The following GRIK1 variants were observed in gnomAD, a reference collection of about 807,000 sequenced individuals.
GRIK1 encodes the protein glutamate receptor ionotropic, kainate 1.
In GRIK1, 69 loss-of-function variants were observed where a neutral mutation model predicts 105.7. The ratio of observed to expected loss-of-function variants is 0.65; its 90% CI spans 0.54 to 0.80. The LOEUF is 0.80. Ranked by LOEUF, GRIK1 falls within the 30% of genes least tolerant of loss-of-function variation. The probability of loss-of-function intolerance (pLI) is 0.00; values close to 1 mark genes in which losing one functional copy is unlikely to be tolerated. For missense variants in GRIK1, 1,109 were observed against 1,167.3 expected (o/e 0.95, Z 0.73); for synonymous variants, 438 against 431.3 (o/e 1.02, Z -0.19).
chr21:29,545,105 AG>A (rs2090030636), intron 16 of GRIK1, among the ~76,000 whole-genome samples: 1 of 36,938 alleles, frequency 2.7e-5, no homozygotes, highest in Non-Finnish European at 1.3e-4. Context: ...GCTCCAGAGC[AG>A]CTAAAACATT....
At chr21:29,844,142 G>A (rs565033298) in intron 1 of GRIK1, among the ~76,000 whole-genome samples, 3 of 152,004 alleles carry the variant, frequency 2.0e-5, no homozygotes, top group Non-Finnish European at 4.4e-5. Flanking sequence ...AGATATCTTT[G>A]TCATTGCATT....
intron 1 of GRIK1, among the ~76,000 whole-genome samples, chr21:29,757,538 T>C (rs2065381399): frequency 6.6e-6 from 1 of 152,212 alleles, no homozygotes. Flanking sequence ...AAACAGTGAC[T>C]TCTTCTATGA....
intron 1 of GRIK1, among the ~76,000 whole-genome samples, chr21:29,907,023 TAA>T (rs61372535): frequency 7.3e-6 from 1 of 137,662 alleles, no homozygotes; most frequent in Admixed American, 7.2e-5. Context: ...TCAATAAAAA[TAA>T]AAAAAAAAAA....
chr21:29,626,402 C>A (rs1051548817), intron 7 of GRIK1, among the ~76,000 whole-genome samples: 12 of 152,098 alleles, frequency 7.9e-5, no homozygotes, highest in Non-Finnish European at 1.8e-4. Flanking sequence ...CTCTGGGGGA[C>A]ACATTCAAAT....
At chr21:29,901,722 A>G (rs535987411) in intron 1 of GRIK1, among the ~76,000 whole-genome samples, 3 of 152,332 alleles carry the variant, frequency 2.0e-5, no homozygotes, top group African/African-American at 7.2e-5. Flanking sequence ...AAGTTCAAAG[A>G]GGAGCTGGTA....
chr21:29,934,984 C>T (rs1350148305), intron 1 of GRIK1, among the ~76,000 whole-genome samples: 1 of 152,110 alleles, frequency 6.6e-6, no homozygotes, highest in African/African-American at 2.4e-5. Flanking sequence ...TCCCAGCACC[C>T]ATTGGAGTTT....
At chr21:29,552,901 A>G (rs1000523908) in intron 16 of GRIK1, among the ~76,000 whole-genome samples, 2 of 152,100 alleles carry the variant, frequency 1.3e-5, no homozygotes, top group African/African-American at 4.8e-5. Flanking sequence ...GTGATGTTCA[A>G]CATAGCTAGT....
At chr21:29,825,024 TTAATA>T (rs2067412751) in intron 1 of GRIK1, among the ~76,000 whole-genome samples, 4 of 152,072 alleles carry the variant, frequency 2.6e-5, no homozygotes, top group Admixed American at 1.3e-4. Context: ...AGGAAAATGT[TTAATA>T]TATTATTGTG....
At chr21:29,547,061 T>C (rs1157684080) in intron 16 of GRIK1, among the ~76,000 whole-genome samples, 2 of 152,234 alleles carry the variant, frequency 1.3e-5, no homozygotes, top group Non-Finnish European at 2.9e-5. Flanking sequence ...ATTGTGAATG[T>C]GTATTCATTT....
chr21:29,794,031 A>G (rs1270559536), intron 1 of GRIK1, among the ~76,000 whole-genome samples: 1 of 152,160 alleles, frequency 6.6e-6, no homozygotes, highest in Non-Finnish European at 1.5e-5. Flanking sequence ...ATGTTTTAAA[A>G]AGACCTCATG....
rs533999744 is a variant in GRIK1, at chr21:29,782,891, C to T, written c.119-88828G>A. ...GTAAACAATGCTGCAATGAACATCC[C>T]TACTCATGAACATTTGTATTCACTT... On this transcript the variant is annotated intron_variant, in intron 1 of 17. Coordinates refer to ENST00000327783, the MANE Select transcript of GRIK1 (RefSeq NM_001330994.2). 2.0e-5 allele frequency among the ~76,000 whole-genome samples: 3 copies of T among 152,256 alleles called. No individual in the cohort carries two copies. In the South Asian group the frequency reaches 6.2e-4, roughly 32 times the overall value.
chr21:29,810,671 T>C (rs1227599407), intron 1 of GRIK1, among the ~76,000 whole-genome samples: 1 of 152,166 alleles, frequency 6.6e-6, no homozygotes, highest in Non-Finnish European at 1.5e-5. Flanking sequence ...CCCAGGGAGC[T>C]GGTAATCTCA....
At chr21:29,819,731 A>C (rs2067247268) in intron 1 of GRIK1, among the ~76,000 whole-genome samples, 2 of 152,084 alleles carry the variant, frequency 1.3e-5, no homozygotes, top group African/African-American at 2.4e-5. Context: ...CGAAAGGAGC[A>C]GTCAAGACTA....
At chr21:29,829,065 G>A (rs886675671) in intron 1 of GRIK1, among the ~76,000 whole-genome samples, 11 of 152,048 alleles carry the variant, frequency 7.2e-5, no homozygotes, top group Admixed American at 5.2e-4. Flanking sequence ...TGATTTGAAC[G>A]CCTTTCCAAT....
intron 1 of GRIK1, among the ~76,000 whole-genome samples, chr21:29,780,526 GGGTAAAC>G (rs916142568): frequency 6.6e-6 from 1 of 152,152 alleles, no homozygotes; most frequent in African/African-American, 2.4e-5. Context: ...CACTTAGCTA[GGGTAAAC>G]CTGCCTGAAG....
chr21:29,581,633 C>A, intron 12 of GRIK1, 90 bp from the exon 13 acceptor site: 1 of 707,966 alleles, frequency 1.4e-6, no homozygotes, highest in Non-Finnish European at 2.5e-6. Context: ...TGCAGAAAAC[C>A]CAACAATTAA....
At chr21:29,864,881 G>A (rs747484746) in intron 1 of GRIK1, among the ~76,000 whole-genome samples, 5 of 152,174 alleles carry the variant, frequency 3.3e-5, no homozygotes, top group Non-Finnish European at 7.3e-5. Flanking sequence ...ATCTGGTAGT[G>A]TCTAAAGCCA....
chr21:29,753,609 T>C lies in GRIK1; in HGVS notation c.119-59546A>G, dbSNP rs116558632. ...CTCCCTTTAGGGCAAGAAAGAGAAA[T>C]GGGAACAAGAAACAGAAAACAAATC... On this transcript the variant is annotated intron_variant, in intron 1 of 17. Transcript: ENST00000327783. Among the ~76,000 whole-genome samples, 1,377 of 152,182 alleles carry C rather than the reference T, an allele frequency of 9.0e-3. 19 individuals are homozygous for C. Among genetic ancestry groups the C allele is most frequent in the African/African-American group, 0.032 (1,320 of 41,504 alleles).
At chr21:29,794,480 A>G (rs1569101663) in intron 1 of GRIK1, among the ~76,000 whole-genome samples, 1 of 152,210 alleles carries the variant, frequency 6.6e-6, no homozygotes, top group East Asian at 1.9e-4. Flanking sequence ...GTTTACAGTC[A>G]GCTATTATAG....
Sources: allele counts gnomAD v4.1 joint callset (sites outside exome capture counted in the v4.1 genomes callset), GRCh38; gene constraint gnomAD v4.1.1; transcripts MANE v1.5; gene names NCBI Gene and HGNC (gene_info 2026-07-23, HGNC 2026-07-21).